Variants in DCC observed in about 807,000 individuals in gnomAD.
The protein encoded by DCC is netrin receptor DCC.
Under a neutral mutation model 172.5 loss-of-function variants are expected in DCC, and 58 were observed. The observed-to-expected ratio is 0.34, with a 90% CI of 0.27 to 0.42. DCC has a LOEUF of 0.42. Ranked by LOEUF, DCC falls within the 10% of genes least tolerant of loss-of-function variation. The probability of loss-of-function intolerance (pLI) is 1.00; values close to 1 mark genes in which losing one functional copy is unlikely to be tolerated. For synonymous variants in DCC, 709 were observed against 644.5 expected (o/e 1.10, Z -1.52); for missense variants, 1,740 against 1,791.0 (o/e 0.97, Z 0.51).
intron 7 of DCC, among the ~76,000 whole-genome samples, chr18:53,148,706 T>A (rs149718729): frequency 7.2e-5 from 11 of 152,190 alleles, no homozygotes; most frequent in African/African-American, 2.2e-4. Flanking sequence ...TACAATTTTT[T>A]AAAAAGAAAA....
At chr18:53,002,387 A>G (rs1000379553) in intron 5 of DCC, among the ~76,000 whole-genome samples, 2 of 152,176 alleles carry the variant, frequency 1.3e-5, no homozygotes, top group African/African-American at 4.8e-5. Flanking sequence ...TCACCTGACA[A>G]TACAGAAATT....
At chr18:52,898,642 T>C (rs1204094620) in intron 2 of DCC, among the ~76,000 whole-genome samples, 1 of 152,166 alleles carries the variant, frequency 6.6e-6, no homozygotes, top group Admixed American at 6.5e-5. Context: ...CCTAACACTT[T>C]TGATGTCCCT....
At chr18:53,342,420 A>G (rs2057669217) in intron 15 of DCC, among the ~76,000 whole-genome samples, 1 of 151,770 alleles carries the variant, frequency 6.6e-6, no homozygotes, top group African/African-American at 2.4e-5. Context: ...TTTGAAACCA[A>G]ACCACTTTTA....
intron 5 of DCC, among the ~76,000 whole-genome samples, chr18:53,018,633 T>C (rs1376910200): frequency 6.6e-6 from 1 of 152,162 alleles, no homozygotes; most frequent in Admixed American, 6.5e-5. Flanking sequence ...GACCAGGGTT[T>C]ATTATGTTGC....
chr18:53,519,000 A>AAAAT (rs1356117946), intron 27 of DCC, among the ~76,000 whole-genome samples: 1 of 152,180 alleles, frequency 6.6e-6, no homozygotes, highest in African/African-American at 2.4e-5. Context: ...CACTAGTTTA[A>AAAAT]AAATAAATTA....
intron 14 of DCC, among the ~76,000 whole-genome samples, chr18:53,328,693 C>T (rs535877510): frequency 6.6e-6 from 1 of 152,190 alleles, no homozygotes; most frequent in South Asian, 2.1e-4. Context: ...CACCACCATG[C>T]TTGGCTAATT....
chr18:53,017,203 G>A (rs1424661613), intron 5 of DCC, among the ~76,000 whole-genome samples: 2 of 151,748 alleles, frequency 1.3e-5, no homozygotes, highest in East Asian at 1.9e-4. Context: ...AGCCTCCCGC[G>A]TAGCTGGGAC....
intron 15 of DCC, among the ~76,000 whole-genome samples, chr18:53,357,693 G>A (rs1229768613): frequency 2.6e-5 from 4 of 152,146 alleles, no homozygotes; most frequent in Non-Finnish European, 5.9e-5. Flanking sequence ...CTCACTGAAA[G>A]AAGTCATTTA....
intron 2 of DCC, among the ~76,000 whole-genome samples, chr18:52,870,297 T>C (rs1410374729): frequency 6.6e-6 from 1 of 152,120 alleles, no homozygotes; most frequent in Non-Finnish European, 1.5e-5. Context: ...TCAGCTGCCT[T>C]GGGGACATGG....
intron 26 of DCC, among the ~76,000 whole-genome samples, chr18:53,490,129 C>A (rs2045944677): frequency 1.3e-5 from 2 of 152,158 alleles, no homozygotes; most frequent in Admixed American, 6.6e-5. Flanking sequence ...TGCCTCTGTT[C>A]TCCCTCAAAT....
rs1020135583 is a variant in DCC, at chr18:53,446,110, A to C, written c.3230-4390A>C. ...GACCCTGTCTCTACAAAAAAAAAAAAAAAACAAAAAAAAACACTTAAAAAT... is the reference window on the plus strand; with the variant it reads ...GACCCTGTCTCTACAAAAAAAAAAACAAAACAAAAAAAAACACTTAAAAAT... On this transcript the variant is annotated intron_variant, in intron 22 of 28. Coordinates refer to ENST00000442544, the MANE Select transcript of DCC (RefSeq NM_005215.4). 1.2e-4 allele frequency among the ~76,000 whole-genome samples: 17 copies of C among 138,302 alleles called. 2 individuals are homozygous for C. The highest frequency in any genetic ancestry group is 1.8e-4 in the African/African-American group (6 of 32,942). The allele number at this position is 138,302 out of a possible 152,430, so 90.7% of individuals were successfully genotyped here. A position where few individuals can be genotyped will look rare whatever the true frequency, so the allele number is the denominator to read the frequency against.
intron 21 of DCC, among the ~76,000 whole-genome samples, chr18:53,418,226 A>T (rs574906491): frequency 6.6e-6 from 1 of 152,292 alleles, no homozygotes; most frequent in African/African-American, 2.4e-5. Context: ...GACTGATGAC[A>T]TATAATTTAG....
intron 5 of DCC, among the ~76,000 whole-genome samples, chr18:53,031,032 A>T (rs1305669636): frequency 2.0e-5 from 3 of 152,102 alleles, no homozygotes; most frequent in Non-Finnish European, 4.4e-5. Flanking sequence ...GCTGAGGCAG[A>T]TGGATCACGT....
chr18:53,503,752 T>TAA, intron 27 of DCC, among the ~76,000 whole-genome samples: 1 of 152,332 alleles, frequency 6.6e-6, no homozygotes, highest in East Asian at 1.9e-4. Flanking sequence ...TGTGATCTCT[T>TAA]AAATAGTGAC....
At chr18:52,822,196 C>T (rs73956006) in intron 2 of DCC, among the ~76,000 whole-genome samples, 2,852 of 151,438 alleles carry the variant, frequency 0.019, 102 homozygotes, top group African/African-American at 0.066. Context: ...TAAATCTTAA[C>T]TGGTTTTGTG....
At chr18:52,956,019 G>C (rs996656971) in intron 5 of DCC, among the ~76,000 whole-genome samples, 3 of 151,432 alleles carry the variant, frequency 2.0e-5, no homozygotes, top group African/African-American at 4.8e-5. Flanking sequence ...TCAGTGACTT[G>C]TCTTATTCTC....
chr18:53,131,103 T>C (rs2043644642), intron 7 of DCC, among the ~76,000 whole-genome samples: 1 of 152,100 alleles, frequency 6.6e-6, no homozygotes, highest in African/African-American at 2.4e-5. Flanking sequence ...AACCTCAGAA[T>C]AGGGATGGCA....
At chr18:52,442,244 C>A (rs1987992834) in intron 1 of DCC, among the ~76,000 whole-genome samples, 2 of 152,068 alleles carry the variant, frequency 1.3e-5, no homozygotes, top group African/African-American at 4.8e-5. Context: ...ACAGTTAGAA[C>A]TGTGTAGAGT....
At chr18:53,246,733 A>G (rs764472608) in intron 12 of DCC, among the ~76,000 whole-genome samples, 11 of 152,056 alleles carry the variant, frequency 7.2e-5, no homozygotes, top group Non-Finnish European at 8.8e-5. Context: ...AATAATGACT[A>G]TAAGTTGCAT....
Sources: allele counts gnomAD v4.1 joint callset (sites outside exome capture counted in the v4.1 genomes callset), GRCh38; gene constraint gnomAD v4.1.1; transcripts MANE v1.5; gene names NCBI Gene and HGNC (gene_info 2026-07-23, HGNC 2026-07-21).